ARHGEF10: variants seen among roughly 807,000 people sequenced by gnomAD.
The protein encoded by ARHGEF10 is Rho guanine nucleotide exchange factor (GEF) 10.
ARHGEF10 carries 140 observed loss-of-function variants against 147.4 expected under a neutral mutation model. The ratio of observed to expected loss-of-function variants is 0.95; its 90% CI spans 0.83 to 1.09. The LOEUF (loss-of-function observed/expected upper bound fraction) is 1.09, where lower values mean the gene tolerates loss of function less well. Ranked by LOEUF, ARHGEF10 falls within the 50% of genes least tolerant of loss-of-function variation. The pLI, the probability that ARHGEF10 is intolerant of heterozygous loss-of-function variation, is 0.00. For missense variants in ARHGEF10, 2,222 were observed against 1,752.7 expected (o/e 1.27, Z -4.78); for synonymous variants, 902 against 695.8 (o/e 1.30, Z -4.67).
intron 26 of ARHGEF10, among the ~76,000 whole-genome samples, chr8:1,934,719 G>A (rs1813434470): frequency 6.6e-6 from 1 of 152,162 alleles, no homozygotes; most frequent in Non-Finnish European, 1.5e-5. Context: ...TCACCATGAA[G>A]ACGAAACTAT....
chr8:1,890,194 T>TGTGTA (rs1158390383), intron 11 of ARHGEF10, among the ~76,000 whole-genome samples: 1 of 109,904 alleles, frequency 9.1e-6, no homozygotes. Flanking sequence ...AGACACTGAA[T>TGTGTA]AGGGTGAGGG....
chr8:1,862,216 G>A (rs1329272288), intron 4 of ARHGEF10, among the ~76,000 whole-genome samples: 3 of 152,226 alleles, frequency 2.0e-5, no homozygotes, highest in African/African-American at 4.8e-5. Flanking sequence ...CCTTGCTCTG[G>A]AGCCTCCCTG....
intron 2 of ARHGEF10, among the ~76,000 whole-genome samples, chr8:1,847,430 A>T (rs1388864816): frequency 1.3e-5 from 2 of 152,234 alleles, no homozygotes; most frequent in African/African-American, 4.8e-5. Flanking sequence ...AATTAGTAGC[A>T]AAATTCCAAT....
At chr8:1,864,524 C>A in intron 5 of ARHGEF10, 88 bp downstream of exon 5, 2 of 1,376,708 alleles carry the variant, frequency 1.5e-6, no homozygotes, top group East Asian at 2.3e-5. Flanking sequence ...TGTCCCTGCC[C>A]GCCATCCTCA....
chr8:1,923,496 G>A lies in ARHGEF10; in HGVS notation c.2288G>A (p.Trp763Ter), dbSNP rs766714346. ...TTAAACCAGTCAGTAGCCCATGACTGGACATCAGGTTTACAAAGGCTTATT... is the reference window on the plus strand; with the variant it reads ...TTAAACCAGTCAGTAGCCCATGACTAGACATCAGGTTTACAAAGGCTTATT... ...QNLNQSVAHDWTSGLQRLILK... is the reference protein window; with the variant it reads ...QNLNQSVAHD The change falls in exon 20 of 29, where the codon TGG becomes TAG. Residue 763 changes from tryptophan (W) to a stop codon, truncating the protein, a stop_gained. Transcript: ENST00000349830. LOFTEE classifies it high-confidence loss of function. 6.2e-7 allele frequency: 1 copy of A among 1,614,108 alleles called. No homozygotes were observed. Among genetic ancestry groups the A allele is most frequent in the South Asian group, 1.1e-5 (1 of 91,078 alleles).
intron 17 of ARHGEF10, among the ~76,000 whole-genome samples, chr8:1,907,984 T>C (rs915938231): frequency 6.6e-6 from 1 of 152,182 alleles, no homozygotes; most frequent in Non-Finnish European, 1.5e-5. Flanking sequence ...TCATGGGCAT[T>C]TCTGTTTTTC....
chr8:1,952,637 C>T (rs992329281), intron 27 of ARHGEF10, 68 bp from the exon 28 acceptor site: 14 of 1,600,252 alleles, frequency 8.7e-6, no homozygotes, highest in Non-Finnish European at 1.2e-5. Context: ...GTTTCCAGCA[C>T]CCCGTCACCG....
intron 7 of ARHGEF10, chr8:1,876,305 G>A (rs1040749133): frequency 1.9e-6 from 1 of 531,886 alleles, no homozygotes; most frequent in Non-Finnish European, 3.4e-6. Context: ...CCATAGCCAG[G>A]TGGTCCTCGG....
intron 2 of ARHGEF10, among the ~76,000 whole-genome samples, chr8:1,857,313 G>A (rs755592898): frequency 1.3e-5 from 2 of 152,138 alleles, no homozygotes; most frequent in East Asian, 3.9e-4. Flanking sequence ...GGATGATACT[G>A]AATTCTCTTC....
rs1325494048 is a variant in ARHGEF10 at position 1,958,298 on chromosome 8, C to G, written c.*1035C>G. 2 of 152,232 alleles carry G rather than the reference C, an allele frequency of 1.3e-5. No individual in the cohort carries two copies. The highest frequency in any genetic ancestry group is 4.8e-5 in the African/African-American group (2 of 41,458). 9.4% of individuals were successfully genotyped at this position (152,232 alleles called of 1,614,324 possible). A position where few individuals can be genotyped will look rare whatever the true frequency, so the allele number is the denominator to read the frequency against. Reference sequence around the variant, plus strand: ...CAGACGCCTCCTCTGCAGAACGCATCAGTTTCTATTCTGCAGTTGCAGAGC... The same window carrying G: ...CAGACGCCTCCTCTGCAGAACGCATGAGTTTCTATTCTGCAGTTGCAGAGC... On this transcript the variant is annotated 3_prime_UTR_variant, in exon 29 of 29. Coordinates refer to ENST00000349830, the MANE Select transcript of ARHGEF10 (RefSeq NM_014629.4).
chr8:1,924,286 T>A (rs1418676411), intron 21 of ARHGEF10, among the ~76,000 whole-genome samples: 2 of 152,112 alleles, frequency 1.3e-5, no homozygotes, highest in Non-Finnish European at 2.9e-5. Flanking sequence ...AGGGCTGGGC[T>A]GGGGGGTTAC....
At chr8:1,953,709 C>T (rs909781735) in intron 28 of ARHGEF10, among the ~76,000 whole-genome samples, 7 of 152,188 alleles carry the variant, frequency 4.6e-5, no homozygotes, top group South Asian at 2.1e-4. Context: ...GTGGCATTGC[C>T]GGTAATGGGT....
At chr8:1,954,928 C>T (rs111552765) in intron 28 of ARHGEF10, among the ~76,000 whole-genome samples, 1 of 150,714 alleles carries the variant, frequency 6.6e-6, no homozygotes, top group Non-Finnish European at 1.5e-5. Flanking sequence ...AAGGAGGTGC[C>T]CTCATTGCCT....
At chr8:1,826,861 C>T (rs995476697) in intron 1 of ARHGEF10, among the ~76,000 whole-genome samples, 3 of 152,168 alleles carry the variant, frequency 2.0e-5, no homozygotes, top group Admixed American at 1.3e-4. Context: ...AGGTAAGTGG[C>T]GTGAAATAAG....
chr8:1,837,073 T>A (rs1803628808), intron 1 of ARHGEF10, among the ~76,000 whole-genome samples: 1 of 152,246 alleles, frequency 6.6e-6, no homozygotes, highest in Non-Finnish European at 1.5e-5. Flanking sequence ...TACAGCCTCA[T>A]AGAAATTTTC....
At chr8:1,922,658 G>A (rs1214056385) in intron 18 of ARHGEF10, among the ~76,000 whole-genome samples, 2 of 152,120 alleles carry the variant, frequency 1.3e-5, no homozygotes, top group African/African-American at 2.4e-5. Context: ...CAGGAGTGCC[G>A]TGTCATTGTG....
intron 2 of ARHGEF10, among the ~76,000 whole-genome samples, chr8:1,848,054 T>C (rs898893075): frequency 1.3e-5 from 2 of 152,200 alleles, no homozygotes; most frequent in Non-Finnish European, 2.9e-5. Context: ...CGGCCAGTTC[T>C]CTCCCACTCA....
Position 1,948,131 on chromosome 8 carries a change from C to G in ARHGEF10, c.3397+2476C>G, listed in dbSNP as rs1814744037. On this transcript the variant is annotated intron_variant, in intron 27 of 28. Transcript: ENST00000349830. The surrounding 1 kb of genome is among the most constrained non-coding windows in gnomAD (Gnocchi z 4.9). ...CGGCCGATGATGGATCCATCCCAAGCCCACCACAAGCCTCTCACTTGGCAG... is the reference window on the plus strand; with the variant it reads ...CGGCCGATGATGGATCCATCCCAAGGCCACCACAAGCCTCTCACTTGGCAG... 6.6e-6 allele frequency among the ~76,000 whole-genome samples: 1 copy of G among 152,228 alleles called. No homozygotes were observed. The highest frequency in any genetic ancestry group is 2.1e-4 in the South Asian group (1 of 4,818).
intron 4 of ARHGEF10, among the ~76,000 whole-genome samples, chr8:1,863,531 C>T (rs748755040): frequency 6.6e-6 from 1 of 152,232 alleles, no homozygotes; most frequent in Non-Finnish European, 1.5e-5. Flanking sequence ...GCTGCTGGCT[C>T]TCCTTCCCCA....
Sources: gnomAD v4.1 joint callset for allele counts (sites outside exome capture counted in the v4.1 genomes callset) on GRCh38, gnomAD v4.1.1 for gene constraint, Gnocchi (gnomAD v3.1) non-coding constraint, MANE v1.5 for transcripts, NCBI Gene and HGNC (gene_info 2026-07-23, HGNC 2026-07-21) for gene names.